LIMCH1: variants seen among roughly 807,000 people sequenced by gnomAD.
LIMCH1 encodes the protein LIM and calponin homology domains-containing protein 1.
In LIMCH1, 113 loss-of-function variants were observed where a neutral mutation model predicts 176.5. The ratio of observed to expected loss-of-function variants is 0.64; its 90% CI spans 0.55 to 0.75. The LOEUF (loss-of-function observed/expected upper bound fraction) is 0.75, where lower values mean the gene tolerates loss of function less well. LIMCH1 is among the 30% of genes least tolerant of loss of function. LIMCH1 has a pLI of 0.00. For missense variants in LIMCH1, 1,674 were observed against 1,814.9 expected, an observed-to-expected ratio of 0.92 and a Z score of 1.41; for synonymous variants, 619 against 645.9, an observed-to-expected ratio of 0.96 and a Z score of 0.63.
intron 1 of LIMCH1, among the ~76,000 whole-genome samples, chr4:41,428,020 T>C (rs1380926356): frequency 6.6e-6 from 1 of 152,132 alleles, no homozygotes; most frequent in Non-Finnish European, 1.5e-5. Flanking sequence ...AAAAATTCTC[T>C]GAAATGTGTG....
intron 2 of LIMCH1, among the ~76,000 whole-genome samples, chr4:41,602,072 GGTGTGTGT>G (rs141117600): frequency 7.1e-6 from 1 of 141,060 alleles, no homozygotes; most frequent in Non-Finnish European, 1.5e-5. Flanking sequence ...TTTCTTGTGT[GGTGTGTGT>G]GTGTGTGTGT....
chr4:41,587,983 G>A (rs1345793945), intron 1 of LIMCH1, among the ~76,000 whole-genome samples: 3 of 151,962 alleles, frequency 2.0e-5, no homozygotes, highest in Non-Finnish European at 2.9e-5. Context: ...TGTGCACAAT[G>A]TGCAGGTTAG....
intron 1 of LIMCH1, among the ~76,000 whole-genome samples, chr4:41,385,427 A>C (rs369853386): frequency 1.3e-5 from 2 of 152,220 alleles, no homozygotes; most frequent in Non-Finnish European, 2.9e-5. Context: ...AGAAATCATC[A>C]TCATGGGTTT....
At chr4:41,361,035 G>A in intron 1 of LIMCH1, 3 of 737,168 alleles carry the variant, frequency 4.1e-6, no homozygotes, top group Non-Finnish European at 6.2e-6. Flanking sequence ...CCCCCCAACC[G>A]CCCCCACTTT....
chr4:41,625,856 G>A (rs1000765029), intron 7 of LIMCH1, among the ~76,000 whole-genome samples: 1 of 152,094 alleles, frequency 6.6e-6, no homozygotes, highest in African/African-American at 2.4e-5. Context: ...CCAAGTTGGG[G>A]GAGGTTGGAG....
intron 1 of LIMCH1, among the ~76,000 whole-genome samples, chr4:41,432,665 A>C (rs1406637353): frequency 6.6e-6 from 1 of 152,218 alleles, no homozygotes; most frequent in Non-Finnish European, 1.5e-5. Context: ...TTCCTAAGGT[A>C]AACATTAAGG....
At chr4:41,629,814 T>TA in intron 9 of LIMCH1, 80 bp downstream of exon 9, 3 of 1,406,176 alleles carry the variant, frequency 2.1e-6, no homozygotes, top group Non-Finnish European at 2.8e-6. Flanking sequence ...TATCTTTGTG[T>TA]CTTTTTTTTT....
At chr4:41,496,413 T>A (rs544470222) in intron 2 of LIMCH1, among the ~76,000 whole-genome samples, 2 of 152,284 alleles carry the variant, frequency 1.3e-5, no homozygotes, top group South Asian at 4.1e-4. Flanking sequence ...AAGAGTTTGC[T>A]AAAGTGGAAT....
chr4:41,675,472 T>G (rs1260219563), intron 22 of LIMCH1, among the ~76,000 whole-genome samples: 1 of 151,940 alleles, frequency 6.6e-6, no homozygotes, highest in Non-Finnish European at 1.5e-5. Context: ...CCTTGCTTTT[T>G]CAACTTAAGA....
intron 1 of LIMCH1, among the ~76,000 whole-genome samples, chr4:41,564,942 T>C (rs1433376948): frequency 6.6e-6 from 1 of 152,228 alleles, no homozygotes; most frequent in African/African-American, 2.4e-5. Flanking sequence ...CCTTCTGCCA[T>C]GATTGTAAGT....
chr4:41,459,736 C>T (rs2065058688), intron 1 of LIMCH1, among the ~76,000 whole-genome samples: 1 of 152,254 alleles, frequency 6.6e-6, no homozygotes, highest in South Asian at 2.1e-4. Flanking sequence ...ACTAACTACT[C>T]CTAGGGCTGA....
chr4:41,458,999 A>G (rs1472432369), intron 1 of LIMCH1, among the ~76,000 whole-genome samples: 1 of 152,130 alleles, frequency 6.6e-6, no homozygotes, highest in Non-Finnish European at 1.5e-5. Flanking sequence ...ATATTCAGTT[A>G]TAAAATGGGA....
intron 1 of LIMCH1, among the ~76,000 whole-genome samples, chr4:41,561,832 C>T (rs1342054172): frequency 2.0e-5 from 3 of 152,026 alleles, no homozygotes; most frequent in Non-Finnish European, 4.4e-5. Flanking sequence ...CTAATTACAC[C>T]GTGAAGAAAT....
chr4:41,521,607 T>C (rs1024487393), intron 2 of LIMCH1, among the ~76,000 whole-genome samples: 2 of 152,318 alleles, frequency 1.3e-5, no homozygotes, highest in East Asian at 3.9e-4. Flanking sequence ...GTGTTGGGCA[T>C]TTCAACAATG....
At chr4:41,637,026 C>A (rs1311747402) in intron 13 of LIMCH1, among the ~76,000 whole-genome samples, 1 of 152,200 alleles carries the variant, frequency 6.6e-6, no homozygotes, top group African/African-American at 2.4e-5. Flanking sequence ...TTAATAGATT[C>A]TTGATTAACC....
chr4:41,635,878 T>G (rs1007691492), intron 13 of LIMCH1, among the ~76,000 whole-genome samples: 1 of 152,168 alleles, frequency 6.6e-6, no homozygotes, highest in Non-Finnish European at 1.5e-5. Context: ...CATAGGCTAT[T>G]CCCTTTATCT....
At chr4:41,646,022 A>G in intron 15 of LIMCH1, 101 bp from the exon 16 acceptor site, 6 of 1,204,668 alleles carry the variant, frequency 5.0e-6, no homozygotes, top group Non-Finnish European at 7.0e-6. Flanking sequence ...CTGGGCCCAT[A>G]GTCAGTTCTC....
At position 41,390,269 on chromosome 4, in the gene LIMCH1, A is replaced by AGAGC. The variant is rs1554024867; in HGVS notation, c.96+29336_96+29337insCGAG. Among the ~76,000 whole-genome samples the AGAGC allele has an allele frequency of 3.6e-3, 537 of 150,392 alleles. 11 individuals carry two copies. The highest frequency in any genetic ancestry group is 0.012 in the African/African-American group (498 of 40,488). ...GAGAGAGAGAGAGAGAGAGAGAGAG[A>AGAGC]GAGAGCGAGAGCGCTCCTCATGCTG... is the stretch of plus-strand genomic sequence containing the variant. On this transcript the variant is annotated intron_variant, in intron 1 of 26. Coordinates refer to the LIMCH1 transcript ENST00000313860.
At chr4:41,670,768 C>T (rs757602137) in intron 21 of LIMCH1, 96 of 1,535,814 alleles carry the variant, frequency 6.3e-5, no homozygotes, top group Non-Finnish European at 7.6e-5. Context: ...CTCTTGGCGA[C>T]GATCCCAGTT....
Sources: allele counts gnomAD v4.1 joint callset (sites outside exome capture counted in the v4.1 genomes callset), GRCh38; gene constraint gnomAD v4.1.1; transcripts MANE v1.5; gene names NCBI Gene and HGNC (gene_info 2026-07-23, HGNC 2026-07-21).